Variants in COL11A1 observed in about 807,000 individuals in gnomAD.
COL11A1 encodes the protein collagen alpha-1(XI) chain.
Under a neutral mutation model 265.2 loss-of-function variants are expected in COL11A1, and 74 were observed. The observed-to-expected ratio is 0.28, with a 90% CI of 0.23 to 0.34. The LOEUF (loss-of-function observed/expected upper bound fraction) is 0.34, where lower values mean the gene tolerates loss of function less well. Among genes scored for constraint, COL11A1 ranks in the 10% least tolerant of loss-of-function variants. The pLI is 1.00. For missense variants in COL11A1, 2,165 were observed against 2,263.6 expected, an observed-to-expected ratio of 0.96 and a Z score of 0.88; for synonymous variants, 816 against 727.6, an observed-to-expected ratio of 1.12 and a Z score of -1.96.
At chr1:103,099,298 T>C (rs1005028984) in intron 1 of COL11A1, among the ~76,000 whole-genome samples, 12 of 151,690 alleles carry the variant, frequency 7.9e-5, no homozygotes, top group African/African-American at 2.9e-4. Flanking sequence ...TGAAGCTCTA[T>C]ATATTTCTTG....
chr1:103,044,488 A>G (rs1232080350), intron 4 of COL11A1, among the ~76,000 whole-genome samples: 1 of 152,118 alleles, frequency 6.6e-6, no homozygotes, highest in East Asian at 1.9e-4. Context: ...AGAAAATGCC[A>G]AAAGTTGGAT....
At chr1:103,008,335 A>T in intron 15 of COL11A1, 128 bp downstream of exon 15, 1 of 712,828 alleles carries the variant, frequency 1.4e-6, no homozygotes, top group South Asian at 1.7e-5. Context: ...TTTCAAAATA[A>T]ACCCTCATAC....
At chr1:103,094,380 GACCC>G (rs1673573381) in intron 1 of COL11A1, among the ~76,000 whole-genome samples, 1 of 152,106 alleles carries the variant, frequency 6.6e-6, no homozygotes, top group Non-Finnish European at 1.5e-5. Flanking sequence ...TTATCACATA[GACCC>G]TTCTATGATA....
intron 49 of COL11A1, among the ~76,000 whole-genome samples, chr1:102,917,396 C>T (rs1655463869): frequency 6.6e-6 from 1 of 151,752 alleles, no homozygotes; most frequent in African/African-American, 2.4e-5. Context: ...TAAAAGAAAA[C>T]ATAGGGAAAA....
At chr1:102,975,070 A>G (rs897695954) in intron 35 of COL11A1, among the ~76,000 whole-genome samples, 187 bp from the exon 36 acceptor site, 3 of 152,204 alleles carry the variant, frequency 2.0e-5, no homozygotes, top group Non-Finnish European at 4.4e-5. Flanking sequence ...ACATTTTCAC[A>G]CTATTTCTAC....
intron 3 of COL11A1, among the ~76,000 whole-genome samples, chr1:103,075,903 G>A (rs901031416): frequency 6.6e-5 from 10 of 152,026 alleles, no homozygotes; most frequent in African/African-American, 2.4e-4. Flanking sequence ...TTTGAATTGA[G>A]CAAAGATTTA....
intron 2 of COL11A1, among the ~76,000 whole-genome samples, chr1:103,081,425 A>T (rs577016437): frequency 1.3e-4 from 19 of 151,934 alleles, no homozygotes; most frequent in African/African-American, 4.3e-4. Flanking sequence ...TTTACTTTTA[A>T]TTTTTTTAAA....
intron 41 of COL11A1, among the ~76,000 whole-genome samples, chr1:102,949,333 G>A (rs568285744): frequency 9.9e-5 from 15 of 151,810 alleles, no homozygotes; most frequent in Non-Finnish European, 1.8e-4. Context: ...TCTAGAATAA[G>A]CATTCAATTT....
intron 46 of COL11A1, among the ~76,000 whole-genome samples, chr1:102,931,500 G>C (rs948983025): frequency 6.6e-6 from 1 of 152,134 alleles, no homozygotes; most frequent in Non-Finnish European, 1.5e-5. Flanking sequence ...GCTGAGGAGA[G>C]CTTTACTTCC....
intron 59 of COL11A1, 21 bp from the exon 60 acceptor site, chr1:102,888,940 T>A (rs1246691680): frequency 1.9e-6 from 3 of 1,600,022 alleles, no homozygotes; most frequent in Non-Finnish European, 2.6e-6. Context: ...AATCAGCCAA[T>A]TTAAAGGGAT....
intron 41 of COL11A1, among the ~76,000 whole-genome samples, chr1:102,960,629 A>G (rs1660809906): frequency 6.6e-6 from 1 of 152,038 alleles, no homozygotes. Flanking sequence ...AGTTTCCTGG[A>G]GAAAGGGGAA....
chr1:103,008,573 A>G lies in COL11A1; in HGVS notation c.1630-57T>C, dbSNP rs1665838518. On this transcript the variant is annotated intron_variant, in intron 14 of 66. Transcript: ENST00000370096. ...ATTTAGCAATTTCCTAACTACTTTT[A>G]TCCTGCCAATTGCACCTGAAATAAT... is the stretch of plus-strand genomic sequence containing the variant. 5 of 1,316,410 alleles carry G rather than the reference A, an allele frequency of 3.8e-6. No homozygotes were observed. The Admixed American group carries it at 8.4e-5, about 22-fold the overall frequency. The allele number at this position is 1,316,410 out of a possible 1,614,324, so 81.5% of individuals were successfully genotyped here.
chr1:103,032,730 G>A (rs1668078359), intron 4 of COL11A1, among the ~76,000 whole-genome samples: 2 of 152,032 alleles, frequency 1.3e-5, no homozygotes, highest in South Asian at 2.1e-4. Flanking sequence ...TCTTTCTTCT[G>A]TCTAAAACTG....
intron 58 of COL11A1, among the ~76,000 whole-genome samples, 161 bp downstream of exon 58, chr1:102,890,290 C>A (rs1651579305): frequency 6.6e-6 from 1 of 151,932 alleles, no homozygotes; most frequent in Middle Eastern, 3.2e-3. Flanking sequence ...TATTTTCTCC[C>A]CTCTACATAC....
At chr1:102,939,704 C>CA (rs398103109) in intron 43 of COL11A1, among the ~76,000 whole-genome samples, 4,975 of 151,170 alleles carry the variant, frequency 0.033, 306 homozygotes, top group African/African-American at 0.11. Flanking sequence ...CTCTCTCTCT[C>CA]AAAAAAGTAA....
At chr1:102,976,290 T>G (rs1183839805) in intron 35 of COL11A1, among the ~76,000 whole-genome samples, 2 of 17,440 alleles carry the variant, frequency 1.1e-4, no homozygotes, top group African/African-American at 3.8e-4. Flanking sequence ...AAACGTTGGC[T>G]TTTTTTTTTT....
chr1:103,014,064 A>C (rs1394507269), intron 13 of COL11A1, among the ~76,000 whole-genome samples: 1 of 152,076 alleles, frequency 6.6e-6, no homozygotes, highest in Non-Finnish European at 1.5e-5. Context: ...TGCCCAAAAA[A>C]TTTAATTTTC....
At chr1:103,045,259 C>CT (rs1669153585) in intron 4 of COL11A1, among the ~76,000 whole-genome samples, 1 of 152,120 alleles carries the variant, frequency 6.6e-6, no homozygotes, top group Non-Finnish European at 1.5e-5. Context: ...AATGAAATGC[C>CT]ACTGGAAGAT....
intron 24 of COL11A1, among the ~76,000 whole-genome samples, chr1:102,998,858 A>AAT: frequency 6.6e-6 from 1 of 152,022 alleles, no homozygotes; most frequent in East Asian, 1.9e-4. Flanking sequence ...AGGAAAGTAA[A>AAT]TCGATTTTAA....
Sources: allele counts gnomAD v4.1 joint callset (sites outside exome capture counted in the v4.1 genomes callset), GRCh38; gene constraint gnomAD v4.1.1; transcripts MANE v1.5; gene names NCBI Gene and HGNC (gene_info 2026-07-23, HGNC 2026-07-21).